WWTR1: variants seen among roughly 807,000 people sequenced by gnomAD.
The protein encoded by WWTR1 is WW domain-containing transcription regulator protein 1.
In WWTR1, 13 loss-of-function variants were observed where a neutral mutation model predicts 40.1. The observed-to-expected ratio is 0.32, with a 90% CI of 0.21 to 0.52. WWTR1 has a LOEUF of 0.52. WWTR1 is among the 20% of genes least tolerant of loss of function. WWTR1 has a pLI of 0.97. For synonymous variants in WWTR1, 230 were observed against 210.1 expected, an observed-to-expected ratio of 1.09 and a Z score of -0.82; for missense variants, 436 against 523.1, an observed-to-expected ratio of 0.83 and a Z score of 1.63.
chr3:149,550,222 A>G (rs1358124016), intron 3 of WWTR1, among the ~76,000 whole-genome samples: 1 of 152,210 alleles, frequency 6.6e-6, no homozygotes, highest in Non-Finnish European at 1.5e-5. Flanking sequence ...TCTTTAAGAG[A>G]AAATCTGGTC....
chr3:149,604,268 T>C (rs1211534156), intron 2 of WWTR1, among the ~76,000 whole-genome samples: 1 of 151,928 alleles, frequency 6.6e-6, no homozygotes, highest in East Asian at 1.9e-4. Context: ...TGAGGCCTCA[T>C]TCCCTGTGAC....
intron 2 of WWTR1, among the ~76,000 whole-genome samples, chr3:149,580,087 A>G (rs904761157): frequency 1.3e-5 from 2 of 152,378 alleles, no homozygotes; most frequent in Non-Finnish European, 2.9e-5. Context: ...GAATACAAGT[A>G]TGCAAAAGGT....
chr3:149,712,013 A>G (rs150416696), intron 5 of WWTR1, among the ~76,000 whole-genome samples: 1 of 152,352 alleles, frequency 6.6e-6, no homozygotes, highest in African/African-American at 2.4e-5. Flanking sequence ...TTATTATTGT[A>G]TTCTACAAGT....
intron 2 of WWTR1, among the ~76,000 whole-genome samples, chr3:149,607,505 A>G (rs1560082378): frequency 6.6e-6 from 1 of 152,174 alleles, no homozygotes; most frequent in African/African-American, 2.4e-5. Context: ...TAGTAGAGAC[A>G]GGGTTTCACC....
chr3:149,720,760 G>T (rs904540888), intron 4 of WWTR1, among the ~76,000 whole-genome samples: 1 of 152,004 alleles, frequency 6.6e-6, no homozygotes, highest in Non-Finnish European at 1.5e-5. Flanking sequence ...ACATGAAATA[G>T]CTCTCCATTT....
intron 4 of WWTR1, 140 bp from the exon 5 acceptor site, chr3:149,528,109 T>C: frequency 1.8e-6 from 2 of 1,087,650 alleles, no homozygotes; most frequent in Non-Finnish European, 2.6e-6. Context: ...CAGGCAACCA[T>C]TAGTATTCTT....
intron 2 of WWTR1, among the ~76,000 whole-genome samples, chr3:149,595,290 A>G (rs1303717127): frequency 6.6e-6 from 1 of 152,100 alleles, no homozygotes; most frequent in Non-Finnish European, 1.5e-5. Flanking sequence ...AAAAAGGTTA[A>G]CAATTGCTGA....
chr3:149,588,928 G>C (rs1389131249), intron 2 of WWTR1, among the ~76,000 whole-genome samples: 2 of 152,164 alleles, frequency 1.3e-5, no homozygotes, highest in Non-Finnish European at 2.9e-5. Flanking sequence ...AAGGTGCTCT[G>C]AACTAGAGAG....
At chr3:149,694,610 A>C (rs770437058) in intron 1 of WWTR1, among the ~76,000 whole-genome samples, 2 of 152,234 alleles carry the variant, frequency 1.3e-5, no homozygotes, top group Non-Finnish European at 2.9e-5. Flanking sequence ...ATGCAAACCA[A>C]AACAAAATGG....
intron 3 of WWTR1, among the ~76,000 whole-genome samples, chr3:149,566,575 T>C (rs918907528): frequency 1.5e-4 from 22 of 149,204 alleles, no homozygotes; most frequent in African/African-American, 5.0e-4. Context: ...AAAAAACTAA[T>C]GGAAAAAAAG....
intron 3 of WWTR1, among the ~76,000 whole-genome samples, chr3:149,724,438 T>C (rs1715825642): frequency 6.6e-6 from 1 of 151,834 alleles, no homozygotes; most frequent in South Asian, 2.1e-4. Context: ...TAACAGGCTC[T>C]CTTTTTAATA....
chr3:149,597,797 C>T (rs939415039), intron 2 of WWTR1, among the ~76,000 whole-genome samples: 1 of 152,186 alleles, frequency 6.6e-6, no homozygotes, highest in Non-Finnish European at 1.5e-5. Context: ...GTGCACTTTA[C>T]TTCGTGCCAC....
chr3:149,528,117 C>T, intron 4 of WWTR1, 148 bp from the exon 5 acceptor site: 1 of 1,049,506 alleles, frequency 9.5e-7, no homozygotes. Context: ...CATTAGTATT[C>T]TTTCTCCGAA....
chr3:149,616,586 G>A (rs1314577088), intron 2 of WWTR1, among the ~76,000 whole-genome samples: 1 of 151,282 alleles, frequency 6.6e-6, no homozygotes, highest in East Asian at 2.1e-4. Flanking sequence ...GGGATTACAG[G>A]GACGTGCCAC....
intron 3 of WWTR1, among the ~76,000 whole-genome samples, chr3:149,565,156 C>G (rs541934063): frequency 6.6e-6 from 1 of 152,150 alleles, no homozygotes; most frequent in Admixed American, 6.5e-5. Flanking sequence ...CACTGCGCTC[C>G]AGCCAGGGCA....
At chr3:149,702,847 T>G (rs1278217325) in intron 1 of WWTR1, 1 of 152,228 alleles carries the variant, frequency 6.6e-6, no homozygotes, top group African/African-American at 2.4e-5. Flanking sequence ...GATTCTGTTT[T>G]GTTGTGAGAC....
chr3:149,658,880 C>G (rs1713427311), upstream of WWTR1, among the ~76,000 whole-genome samples: 1 of 152,118 alleles, frequency 6.6e-6, no homozygotes, highest in Admixed American at 6.5e-5. Context: ...TTGGAATGTC[C>G]CTGCCGCCCT....
chr3:149,561,299 G>T (rs925643977), intron 3 of WWTR1, among the ~76,000 whole-genome samples: 3 of 151,644 alleles, frequency 2.0e-5, no homozygotes, highest in African/African-American at 7.3e-5. Context: ...ATGAACAAAA[G>T]AAGTATGTCC....
intron 2 of WWTR1, among the ~76,000 whole-genome samples, chr3:149,668,378 G>A (rs1217302934): frequency 2.0e-5 from 3 of 151,982 alleles, no homozygotes; most frequent in African/African-American, 7.3e-5. Flanking sequence ...AGGCTAAGGC[G>A]GGCAGATCAC....
Sources: gnomAD v4.1 joint callset for allele counts (sites outside exome capture counted in the v4.1 genomes callset) on GRCh38, gnomAD v4.1.1 for gene constraint, MANE v1.5 for transcripts, NCBI Gene and HGNC (gene_info 2026-07-23, HGNC 2026-07-21) for gene names.